Variants in RANBP17 observed in about 807,000 individuals in gnomAD.
RANBP17 encodes ran-binding protein 17.
A neutral mutation model predicts 141.2 loss-of-function variants in RANBP17; 158 were observed. The ratio of observed to expected loss-of-function variants is 1.12; its 90% CI spans 0.98 to 1.28. RANBP17 has a LOEUF of 1.28. Among genes scored for constraint, RANBP17 ranks in the 50% most tolerant of loss-of-function variants. The pLI is 0.00. For synonymous variants in RANBP17, 430 were observed against 450.0 expected (o/e 0.96, Z 0.56); for missense variants, 1,438 against 1,290.7 (o/e 1.11, Z -1.75).
At chr5:171,034,622 G>T (rs142846932) in intron 14 of RANBP17, among the ~76,000 whole-genome samples, 3 of 152,032 alleles carry the variant, frequency 2.0e-5, no homozygotes, top group African/African-American at 4.8e-5. Flanking sequence ...TTTGTGACTC[G>T]GTTCATTTCA....
At chr5:171,211,427 A>G (rs1762878252) in intron 20 of RANBP17, among the ~76,000 whole-genome samples, 1 of 151,782 alleles carries the variant, frequency 6.6e-6, no homozygotes, top group Admixed American at 6.6e-5. Context: ...ATGCCTGGCT[A>G]ATTTTTGTGT....
intron 14 of RANBP17, among the ~76,000 whole-genome samples, chr5:170,971,685 A>G (rs944113093): frequency 6.6e-6 from 1 of 152,142 alleles, no homozygotes; most frequent in Non-Finnish European, 1.5e-5. Flanking sequence ...CTTGTATCCA[A>G]TCTGTCACCT....
intron 25 of RANBP17, among the ~76,000 whole-genome samples, chr5:171,280,571 G>T (rs532523542): frequency 6.6e-6 from 1 of 152,262 alleles, no homozygotes; most frequent in South Asian, 2.1e-4. Context: ...ACCATACCTG[G>T]CCTTAACTCA....
intron 24 of RANBP17, among the ~76,000 whole-genome samples, chr5:171,265,144 G>T (rs193257986): frequency 6.6e-5 from 10 of 152,162 alleles, no homozygotes; most frequent in Admixed American, 4.6e-4. Flanking sequence ...TGTTAAGGTC[G>T]CAGATGGAAA....
At chr5:170,871,999 TGG>T (rs1245256639) in intron 1 of RANBP17, among the ~76,000 whole-genome samples, 4 of 152,176 alleles carry the variant, frequency 2.6e-5, no homozygotes, top group Non-Finnish European at 4.4e-5. Context: ...CTTGGCTATG[TGG>T]GCTCTTTTTT....
intron 13 of RANBP17, among the ~76,000 whole-genome samples, chr5:170,967,288 C>T (rs976036217): frequency 6.6e-6 from 1 of 152,030 alleles, no homozygotes; most frequent in Admixed American, 6.6e-5. Context: ...GACATATAAA[C>T]TATTAATAAT....
At chr5:171,066,683 C>T (rs529583405) in intron 14 of RANBP17, among the ~76,000 whole-genome samples, 1 of 152,132 alleles carries the variant, frequency 6.6e-6, no homozygotes, top group Admixed American at 6.5e-5. Flanking sequence ...TGGATTTATA[C>T]CCAGTAGTGA....
intron 14 of RANBP17, among the ~76,000 whole-genome samples, chr5:171,118,722 T>C (rs190513956): frequency 3.3e-4 from 51 of 152,316 alleles, no homozygotes; most frequent in African/African-American, 1.2e-3. Flanking sequence ...GATTTCTTTT[T>C]CAGCTATTTC....
chr5:171,255,516 A>T (rs1025842694), intron 24 of RANBP17, among the ~76,000 whole-genome samples: 4 of 151,994 alleles, frequency 2.6e-5, no homozygotes, highest in Non-Finnish European at 5.9e-5. Flanking sequence ...TGGTAGTCAC[A>T]TACCTTGTTC....
intron 14 of RANBP17, among the ~76,000 whole-genome samples, chr5:171,027,818 T>C (rs1199283343): frequency 1.3e-5 from 2 of 152,086 alleles, no homozygotes; most frequent in African/African-American, 4.8e-5. Flanking sequence ...GGAACTGGAA[T>C]TGAGGAAGTG....
At chr5:171,026,434 G>A (rs753186757) in intron 14 of RANBP17, among the ~76,000 whole-genome samples, 4 of 152,150 alleles carry the variant, frequency 2.6e-5, no homozygotes, top group Non-Finnish European at 5.9e-5. Flanking sequence ...CTTCTAACCA[G>A]ATAGTTACTG....
At chr5:171,005,048 T>C (rs988025795) in intron 14 of RANBP17, among the ~76,000 whole-genome samples, 2 of 152,114 alleles carry the variant, frequency 1.3e-5, no homozygotes, top group Non-Finnish European at 2.9e-5. Flanking sequence ...TAATTCCTAT[T>C]GTGGGGTTTG....
intron 14 of RANBP17, among the ~76,000 whole-genome samples, chr5:171,030,611 T>C (rs1265040370): frequency 6.6e-6 from 1 of 152,056 alleles, no homozygotes; most frequent in African/African-American, 2.4e-5. Flanking sequence ...TGTATGAGTA[T>C]GTGAACATAT....
rs1765616021 is a variant in RANBP17 at position 171,252,188 on chromosome 5, A to G, written c.2776+9368A>G. 8.9e-6 allele frequency: 14 copies of G among 1,581,316 alleles called. No individual in the cohort carries two copies. The South Asian group carries it at 1.6e-4, about 18-fold the overall frequency. On this transcript the variant is annotated intron_variant, in intron 24 of 27. Coordinates refer to ENST00000523189, the MANE Select transcript of RANBP17 (RefSeq NM_022897.5). ...ACAACTACATGCAACAAGATCCCCCATGAATTCTTAAATTACCTACTAAAT... is the reference window on the plus strand; with the variant it reads ...ACAACTACATGCAACAAGATCCCCCGTGAATTCTTAAATTACCTACTAAAT...
At chr5:170,954,119 T>C (rs935741123) in intron 13 of RANBP17, among the ~76,000 whole-genome samples, 1 of 152,200 alleles carries the variant, frequency 6.6e-6, no homozygotes, top group African/African-American at 2.4e-5. Flanking sequence ...AATTATTCTC[T>C]TCAAGTTTCT....
At chr5:171,089,082 A>C (rs1010797371) in intron 14 of RANBP17, among the ~76,000 whole-genome samples, 1 of 151,198 alleles carries the variant, frequency 6.6e-6, no homozygotes, top group Admixed American at 6.6e-5. Context: ...TTTTTTCCCC[A>C]TCTTTGTGGT....
intron 14 of RANBP17, among the ~76,000 whole-genome samples, chr5:171,074,646 G>C (rs942293879): frequency 6.6e-6 from 1 of 152,004 alleles, no homozygotes; most frequent in Non-Finnish European, 1.5e-5. Context: ...TTTAATAAAG[G>C]TACATTCTGT....
At chr5:171,251,919 G>A in intron 24 of RANBP17, 1 of 1,585,428 alleles carries the variant, frequency 6.3e-7, no homozygotes, top group East Asian at 2.2e-5. Context: ...CAGTGAATGA[G>A]CACTATTTTG....
chr5:171,149,786 G>A (rs1040735304), intron 14 of RANBP17, among the ~76,000 whole-genome samples: 1 of 152,138 alleles, frequency 6.6e-6, no homozygotes, highest in Non-Finnish European at 1.5e-5. Flanking sequence ...TGTCTTACTT[G>A]TGAAGAAAGA....
Sources: gnomAD v4.1 joint callset for allele counts (sites outside exome capture counted in the v4.1 genomes callset) on GRCh38, gnomAD v4.1.1 for gene constraint, MANE v1.5 for transcripts, NCBI Gene and HGNC (gene_info 2026-07-23, HGNC 2026-07-21) for gene names.